The following PDSS2 variants were observed in gnomAD, a reference collection of about 807,000 sequenced individuals.
PDSS2 encodes decaprenyl diphosphate synthase subunit 2, also known as all trans-polyprenyl-diphosphate synthase PDSS2.
Under a neutral mutation model 44.5 loss-of-function variants are expected in PDSS2, and 31 were observed. The ratio of observed to expected loss-of-function variants is 0.70; its 90% CI spans 0.52 to 0.94. The LOEUF (loss-of-function observed/expected upper bound fraction) is 0.94, where lower values mean the gene tolerates loss of function less well. Among genes scored for constraint, PDSS2 ranks in the 40% least tolerant of loss-of-function variants. The pLI is 0.00. For synonymous variants in PDSS2, 157 were observed against 180.3 expected, an observed-to-expected ratio of 0.87 and a Z score of 1.03; for missense variants, 452 against 482.2, an observed-to-expected ratio of 0.94 and a Z score of 0.59.
intron 4 of PDSS2, among the ~76,000 whole-genome samples, chr6:107,213,008 C>T (rs1185900904): frequency 1.3e-5 from 2 of 151,748 alleles, no homozygotes; most frequent in Non-Finnish European, 2.9e-5. Context: ...CTGTCTCTTT[C>T]TCTCCCCCTC....
chr6:107,451,444 G>A (rs1156949221), intron 1 of PDSS2, among the ~76,000 whole-genome samples: 5 of 152,078 alleles, frequency 3.3e-5, no homozygotes, highest in East Asian at 1.9e-4. Context: ...CTACACTGCC[G>A]CACCACAAAT....
chr6:107,338,056 C>T (rs1348079301), intron 1 of PDSS2, among the ~76,000 whole-genome samples: 1 of 152,092 alleles, frequency 6.6e-6, no homozygotes, highest in African/African-American at 2.4e-5. Flanking sequence ...AACACCATTT[C>T]TTTAAATTCA....
chr6:107,299,592 C>G (rs112846821), intron 2 of PDSS2, among the ~76,000 whole-genome samples: 6 of 152,260 alleles, frequency 3.9e-5, no homozygotes, highest in African/African-American at 1.4e-4. Context: ...ACACTCACTG[C>G]ACCTCCTCCA....
intron 1 of PDSS2, among the ~76,000 whole-genome samples, chr6:107,402,532 T>TA (rs1780173827): frequency 5.5e-4 from 3 of 5,492 alleles, no homozygotes; most frequent in Admixed American, 2.6e-3. Flanking sequence ...ATACATACAT[T>TA]TTATATATAT....
At chr6:107,450,237 C>T (rs1411547883) in intron 1 of PDSS2, among the ~76,000 whole-genome samples, 1 of 152,094 alleles carries the variant, frequency 6.6e-6, no homozygotes, top group African/African-American at 2.4e-5. Flanking sequence ...TTTGTTCAAC[C>T]ACTCACTAGG....
At chr6:107,385,831 A>ATGAT (rs1779595377) in intron 1 of PDSS2, among the ~76,000 whole-genome samples, 1 of 152,058 alleles carries the variant, frequency 6.6e-6, no homozygotes, top group African/African-American at 2.4e-5. Flanking sequence ...TTAAAAAAGC[A>ATGAT]TGATTGTACA....
In PDSS2 at chr6:107,326,961, A is replaced by G. The variant is rs146253443; in HGVS notation, c.431+7237T>C. Among the ~76,000 whole-genome samples the G allele has an allele frequency of 2.6e-3, 402 of 152,344 alleles. 4 individuals carry two copies. The highest frequency in any genetic ancestry group is 9.2e-3 in the African/African-American group (381 of 41,580). On this transcript the variant is annotated intron_variant, in intron 2 of 7. Coordinates refer to ENST00000369037, the MANE Select transcript of PDSS2 (RefSeq NM_020381.4). Reference sequence around the variant, plus strand: ...GACCATCTAAAAAGAAGAAATGCCAACGATGACTTTACTTCTCATTCAATT... The same window carrying G: ...GACCATCTAAAAAGAAGAAATGCCAGCGATGACTTTACTTCTCATTCAATT...
intron 7 of PDSS2, among the ~76,000 whole-genome samples, chr6:107,177,436 C>T (rs1438760565): frequency 6.6e-6 from 1 of 152,142 alleles, no homozygotes; most frequent in African/African-American, 2.4e-5. Context: ...CATGCGCAGC[C>T]TGTAATTCTT....
intron 1 of PDSS2, among the ~76,000 whole-genome samples, chr6:107,396,683 T>TTC (rs1554276020): frequency 2.6e-3 from 369 of 140,910 alleles, no homozygotes; most frequent in African/African-American, 9.6e-3. Flanking sequence ...TTTTTCTTTT[T>TTC]TTTTTTTTTT....
intron 2 of PDSS2, among the ~76,000 whole-genome samples, chr6:107,331,479 A>G (rs1777709102): frequency 6.6e-6 from 1 of 152,192 alleles, no homozygotes; most frequent in African/African-American, 2.4e-5. Flanking sequence ...AAGTTCTTTT[A>G]GTCAAATTGC....
chr6:107,188,868 G>A (rs6902739), intron 7 of PDSS2, among the ~76,000 whole-genome samples: 37,044 of 152,098 alleles, frequency 0.24, 5,578 homozygotes, highest in East Asian at 0.54. Flanking sequence ...TATGCTTCTC[G>A]TATACCTGCA....
intron 1 of PDSS2, among the ~76,000 whole-genome samples, chr6:107,365,791 CATAAT>C (rs913513519): frequency 6.6e-6 from 1 of 152,054 alleles, no homozygotes; most frequent in African/African-American, 2.4e-5. Context: ...AAGGACATTT[CATAAT>C]CATAAAGGTT....
intron 1 of PDSS2, among the ~76,000 whole-genome samples, chr6:107,386,221 C>G (rs9386637): frequency 0.14 from 20,737 of 151,882 alleles, 1,588 homozygotes; most frequent in East Asian, 0.25. Context: ...AAAAAATGAT[C>G]CACTTTTCTT....
intron 2 of PDSS2, among the ~76,000 whole-genome samples, chr6:107,297,396 T>TC (rs1776544825): frequency 6.6e-6 from 1 of 151,982 alleles, no homozygotes; most frequent in African/African-American, 2.4e-5. Context: ...TTTTTTTTTT[T>TC]TTTGAGACGG....
chr6:107,366,959 G>A (rs1778976902), intron 1 of PDSS2, among the ~76,000 whole-genome samples: 1 of 152,056 alleles, frequency 6.6e-6, no homozygotes, highest in African/African-American at 2.4e-5. Flanking sequence ...AGAAAATATA[G>A]AAACTTCCCA....
chr6:107,192,540 G>T (rs1029640398), intron 7 of PDSS2: 1 of 314,310 alleles, frequency 3.2e-6, no homozygotes, highest in South Asian at 3.0e-5. Context: ...ACACCCTACC[G>T]CAAATGGCCC....
At chr6:107,246,566 C>A (rs1391393610) in intron 3 of PDSS2, among the ~76,000 whole-genome samples, 1 of 152,126 alleles carries the variant, frequency 6.6e-6, no homozygotes, top group African/African-American at 2.4e-5. Context: ...CAGCTTTTAT[C>A]ATTCTTGTAA....
At chr6:107,426,763 C>T (rs2114729440) in intron 1 of PDSS2, among the ~76,000 whole-genome samples, 1 of 152,214 alleles carries the variant, frequency 6.6e-6, no homozygotes, top group South Asian at 2.1e-4. Flanking sequence ...GATATGACTG[C>T]CCTGCTTGAT....
chr6:107,287,556 C>CT (rs1427788086), intron 2 of PDSS2, among the ~76,000 whole-genome samples: 15 of 152,058 alleles, frequency 9.9e-5, no homozygotes, highest in African/African-American at 3.6e-4. Context: ...GAGTCTTACT[C>CT]TATCACCCAG....
Sources: allele counts gnomAD v4.1 joint callset (sites outside exome capture counted in the v4.1 genomes callset), GRCh38; gene constraint gnomAD v4.1.1; transcripts MANE v1.5; gene names NCBI Gene and HGNC (gene_info 2026-07-23, HGNC 2026-07-21).